Variants in RPL3L observed in about 807,000 individuals in gnomAD.
RPL3L encodes the protein ribosomal protein uL3-like.
RPL3L carries 44 observed loss-of-function variants against 44.5 expected under a neutral mutation model. That is an observed-to-expected ratio of 0.99 (90% CI 0.78 to 1.27). RPL3L has a LOEUF of 1.27. RPL3L is among the 50% of genes most tolerant of loss of function. The pLI is 0.00. For synonymous variants in RPL3L, 292 were observed against 230.7 expected (o/e 1.27, Z -2.41); for missense variants, 631 against 569.1 (o/e 1.11, Z -1.11).
In RPL3L at chr16:1,954,100, G is replaced by A. The variant is rs1294034459; in HGVS notation, c.52C>T (p.Pro18Ser). ...CGGTGCCGGTGGCTCCTCTTATGGG[G>A]CAGGAAGCCCAGGTGTCCGTGCCGA... is the stretch of plus-strand genomic sequence containing the variant. ...APRHGHLGFL[P>S]HKRSHRHRGK... The change falls in exon 2 of 10, where the codon CCC becomes TCC. Residue 18 changes from proline (P) to serine (S), a missense_variant. Transcript: ENST00000268661. 1.2e-6 allele frequency: 2 copies of A among 1,602,162 alleles called. No homozygotes were observed. The highest frequency in any genetic ancestry group is 1.7e-6 in the Non-Finnish European group (2 of 1,175,370).
rs2083103823 is a variant in RPL3L, at chr16:1,944,361, A to T, written c.*476T>A. ...ACCAACCAGATTGATAAACTGGCTC[A>T]TCTGATCTTGTGGCCACCACCCAGG... On this transcript the variant is annotated 3_prime_UTR_variant, in exon 10 of 10. Transcript: ENST00000268661. 2 of 158,310 alleles carry T rather than the reference A, an allele frequency of 1.3e-5. No individual in the cohort carries two copies. The highest frequency in any genetic ancestry group is 2.8e-5 in the Non-Finnish European group (2 of 71,320). 9.8% of individuals were successfully genotyped at this position (158,310 alleles called of 1,614,324 possible). A position where few individuals can be genotyped will look rare whatever the true frequency, so the allele number is the denominator to read the frequency against.
At chr16:1,949,523 G>C (rs911692923) in intron 4 of RPL3L, among the ~76,000 whole-genome samples, 2 of 150,560 alleles carry the variant, frequency 1.3e-5, no homozygotes, top group Admixed American at 1.3e-4. Flanking sequence ...AAAGTGCTGG[G>C]GTTACAGGCG....
chr16:1,951,289 C>A (rs1190250190), intron 3 of RPL3L, among the ~76,000 whole-genome samples: 1 of 152,230 alleles, frequency 6.6e-6, no homozygotes, highest in Admixed American at 6.5e-5. Context: ...CACCTAGAGA[C>A]CACCCCACCT....
chr16:1,953,055 C>T lies in RPL3L; in HGVS notation c.197-13G>A, dbSNP rs147460791. On this transcript the variant is annotated splice_polypyrimidine_tract_variant and intron_variant, in intron 2 of 9. Transcript: ENST00000268661. ...CGTTTGGAAATTTCTGGATGAGACA[C>T]AGGGATGGGGCATGAAGGGGGACCT... The T allele has an allele frequency of 5.4e-3, 8,599 of 1,582,066 alleles. 235 individuals are homozygous for T. The South Asian group carries it at 0.058, about 11-fold the overall frequency.
intron 4 of RPL3L, 112 bp from the exon 5 acceptor site, chr16:1,947,492 A>G: frequency 7.9e-7 from 1 of 1,266,784 alleles, no homozygotes; most frequent in Admixed American, 2.9e-5. Context: ...ATTCATTCAC[A>G]GGTGTTCCCA....
At chr16:1,945,687 C>T in intron 8 of RPL3L, 69 bp from the exon 9 acceptor site, 1 of 1,608,338 alleles carries the variant, frequency 6.2e-7, no homozygotes, top group Non-Finnish European at 8.5e-7. Context: ...AACCTCCAAG[C>T]CCCACCAGGA....
chr16:1,947,232 A>G lies in RPL3L; in HGVS notation c.650T>C (p.Ile217Thr), dbSNP rs2083129573. 2 of 1,613,496 alleles carry G rather than the reference A, an allele frequency of 1.2e-6. No individual in the cohort carries two copies. The highest frequency in any genetic ancestry group is 1.7e-6 in the Non-Finnish European group (2 of 1,179,648). Residue 217 changes from isoleucine (I) to threonine (T), a missense_variant, in exon 5 of 10, where the codon ATT becomes ACT. Coordinates refer to ENST00000268661, the MANE Select transcript of RPL3L (RefSeq NM_005061.3). ...ACCCTTGGTGACAGCAATGACATCAATGACCTCACTCTGGCTGAACACGCT... is the reference window on the plus strand; with the variant it reads ...ACCCTTGGTGACAGCAATGACATCAGTGACCTCACTCTGGCTGAACACGCT... ...VHSVFSQSEV[I>T]DVIAVTKGRG...
At chr16:1,953,668 G>A (rs2083186997) in intron 2 of RPL3L, among the ~76,000 whole-genome samples, 3 of 152,230 alleles carry the variant, frequency 2.0e-5, no homozygotes, top group Non-Finnish European at 4.4e-5. Context: ...TTTGAACCGA[G>A]GGCTTGGGGC....
intron 4 of RPL3L, among the ~76,000 whole-genome samples, chr16:1,949,964 C>A (rs1262767243): frequency 3.8e-5 from 3 of 79,896 alleles, no homozygotes; most frequent in African/African-American, 1.6e-4. Context: ...ATGTAAGGGG[C>A]AGGTATGGAC....
rs1465045317 is a variant in RPL3L at position 1,945,855 on chromosome 16, G to A, written c.1027C>T (p.Arg343Trp). Residue 343 changes from arginine (R) to tryptophan (W), a missense_variant, in exon 8 of 10, where the codon CGG becomes TGG. Arg to Trp is a moderately radical substitution (Grantham distance 101, BLOSUM62 -3). Coordinates refer to ENST00000268661, the MANE Select transcript of RPL3L (RefSeq NM_005061.3). Reference protein sequence around the residue: ...LKGCIAGTKKRVITLRKSLLV... With the variant: ...LKGCIAGTKKWVITLRKSLLV... Reference sequence around the variant, plus strand: ...CCAACCTTTCTCAGCGTAATGACCCGCTTCTTGGTACCAGCAATACAACCC... The same window carrying A: ...CCAACCTTTCTCAGCGTAATGACCCACTTCTTGGTACCAGCAATACAACCC... The A allele has an allele frequency of 1.2e-5, 19 of 1,613,934 alleles. No homozygotes were observed. The highest frequency in any genetic ancestry group is 1.6e-4 in the Middle Eastern group (1 of 6,062).
At chr16:1,944,961 G>A in intron 9 of RPL3L, 68 bp from the exon 10 acceptor site, 1 of 1,603,854 alleles carries the variant, frequency 6.2e-7, no homozygotes, top group Non-Finnish European at 8.5e-7. Flanking sequence ...CCCCCAGCCA[G>A]GCTCTAGATC....
intron 9 of RPL3L, among the ~76,000 whole-genome samples, chr16:1,945,219 G>A (rs1027249766): frequency 6.6e-6 from 1 of 152,034 alleles, no homozygotes; most frequent in Non-Finnish European, 1.5e-5. Flanking sequence ...GCCTGGCGTG[G>A]TGGCACGTGC....
chr16:1,950,760 C>A, intron 4 of RPL3L, 84 bp downstream of exon 4: 1 of 1,602,804 alleles, frequency 6.2e-7, no homozygotes, highest in Middle Eastern at 1.7e-4. Context: ...TATTTTTAGG[C>A]TGACATTTGC....
chr16:1,953,995 T>C lies in RPL3L; in HGVS notation c.157A>G (p.Met53Val), dbSNP rs755911611. The C allele has an allele frequency of 1.9e-6, 3 of 1,597,116 alleles. No homozygotes were observed. The highest frequency in any genetic ancestry group is 1.3e-5 in the African/African-American group (1 of 74,294). ...TGCACCTCCCGCAGGGTGTGGGTCA[T>C]GCCCGCCTTGTAGCCCAGGAAGGCC... ...LTAFLGYKAG[M>V]THTLREVHRP... is the part of the protein sequence containing the mutation. Residue 53 changes from methionine (M) to valine (V), a missense_variant, in exon 2 of 10, where the codon ATG becomes GTG. Met to Val is a conservative substitution (Grantham distance 21). Transcript: ENST00000268661.
rs779462359 is a variant in RPL3L at position 1,946,621 on chromosome 16, T to A, written c.951+4A>T. On this transcript the variant is annotated splice_donor_region_variant and intron_variant, in intron 7 of 9. Coordinates refer to ENST00000268661, the MANE Select transcript of RPL3L (RefSeq NM_005061.3). ...GCCTGGCAGTCGCCCCCTCCCAGCC[T>A]CACCAGCGGTGTGATGGACTTGGCA... The A allele has an allele frequency of 1.5e-5, 24 of 1,611,234 alleles. 1 individual carries two copies. The South Asian group carries it at 2.5e-4, about 17-fold the overall frequency.
intron 4 of RPL3L, among the ~76,000 whole-genome samples, chr16:1,947,857 G>A (rs72764877): frequency 0.08 from 12,227 of 152,176 alleles, 712 homozygotes; most frequent in Non-Finnish European, 0.12. Context: ...AGACGGTGGG[G>A]AGCAAGGGGC....
chr16:1,945,075 G>T (rs1243672968), intron 9 of RPL3L, among the ~76,000 whole-genome samples, 182 bp from the exon 10 acceptor site: 1 of 151,666 alleles, frequency 6.6e-6, no homozygotes, highest in Non-Finnish European at 1.5e-5. Flanking sequence ...TCTCCTGCAG[G>T]CCGGGCACGG....
At chr16:1,944,935 G>C in intron 9 of RPL3L, 42 bp from the exon 10 acceptor site, 1 of 1,613,162 alleles carries the variant, frequency 6.2e-7, no homozygotes, top group Non-Finnish European at 8.5e-7. Context: ...AGTCACTCTG[G>C]CCAGAAACAC....
At position 1,952,913 on chromosome 16, in the gene RPL3L, T is replaced by G; in HGVS notation, c.326A>C (p.His109Pro). 6.2e-7 allele frequency: 1 copy of G among 1,613,848 alleles called. No homozygotes were observed. Among genetic ancestry groups the G allele is most frequent in the East Asian group, 2.2e-5 (1 of 44,854 alleles). ...LRSFKTIFAE[H>P]LSDECRRRFY... The stretch of plus-strand genomic sequence containing the variant: ...TCGGCGCCGGCACTCATCACTGAGG[T>G]GTTCTGCAAAGATGGTCTTGAAGCT... The change falls in exon 3 of 10, where the codon CAC becomes CCC. Residue 109 changes from histidine to proline, a missense_variant. His to Pro is a moderately conservative substitution (Grantham distance 77). Coordinates refer to ENST00000268661, the MANE Select transcript of RPL3L (RefSeq NM_005061.3).
Sources: gnomAD v4.1 joint callset for allele counts (sites outside exome capture counted in the v4.1 genomes callset) on GRCh38, gnomAD v4.1.1 for gene constraint, MANE v1.5 for transcripts, NCBI Gene and HGNC (gene_info 2026-07-23, HGNC 2026-07-21) for gene names.